DLC1: variants seen among roughly 807,000 people sequenced by gnomAD.
DLC1 encodes the protein DLC1 Rho GTPase activating protein.
Under a neutral mutation model 140.3 loss-of-function variants are expected in DLC1, and 54 were observed. The observed-to-expected ratio is 0.38, with a 90% confidence interval of 0.31 to 0.48. The LOEUF (loss-of-function observed/expected upper bound fraction) is 0.48. Among genes scored for constraint, DLC1 ranks in the 20% least tolerant of loss-of-function variants. The probability of loss-of-function intolerance (pLI) is 0.96; values close to 1 mark genes in which losing one functional copy is unlikely to be tolerated. For synonymous variants in DLC1, 986 were observed against 728.1 expected (o/e 1.35, Z -5.70); for missense variants, 2,536 against 1,907.0 (o/e 1.33, Z -6.14).
chr8:13,532,132 C>T (rs1024872642), intron 1 of DLC1, among the ~76,000 whole-genome samples: 1 of 152,144 alleles, frequency 6.6e-6, no homozygotes, highest in Non-Finnish European at 1.5e-5. Flanking sequence ...AGGCCAGGCT[C>T]AGTGGCTCAT....
intron 5 of DLC1, among the ~76,000 whole-genome samples, chr8:13,161,144 C>T (rs750158583): frequency 6.6e-6 from 1 of 152,096 alleles, no homozygotes; most frequent in Non-Finnish European, 1.5e-5. Context: ...CATAGGTAAC[C>T]TAATCTAATT....
chr8:13,136,044 A>G (rs1309240718), intron 5 of DLC1, among the ~76,000 whole-genome samples: 1 of 152,138 alleles, frequency 6.6e-6, no homozygotes, highest in Non-Finnish European at 1.5e-5. Flanking sequence ...CCAAGCCCCA[A>G]TTTGTATAGC....
intron 1 of DLC1, among the ~76,000 whole-genome samples, chr8:13,544,117 A>T (rs1803575351): frequency 1.3e-5 from 2 of 152,188 alleles, no homozygotes; most frequent in South Asian, 2.1e-4. Flanking sequence ...TCCCATGTAT[A>T]ATATATATAG....
intron 2 of DLC1, 125 bp downstream of exon 2, chr8:13,498,924 C>T: frequency 2.6e-6 from 3 of 1,138,698 alleles, no homozygotes; most frequent in South Asian, 2.0e-5. Context: ...CGTTGAATTA[C>T]ACATCTGCAT....
At chr8:13,553,326 C>A (rs960237191) in intron 1 of DLC1, among the ~76,000 whole-genome samples, 18 of 146,192 alleles carry the variant, frequency 1.2e-4, no homozygotes, top group African/African-American at 1.8e-4. Context: ...CATGCATGTA[C>A]TATATCCCTT....
At chr8:13,254,073 A>G (rs1830114530) in intron 5 of DLC1, among the ~76,000 whole-genome samples, 1 of 151,944 alleles carries the variant, frequency 6.6e-6, no homozygotes, top group Admixed American at 6.6e-5. Context: ...TATTTAGGAG[A>G]CCTGCTTTAG....
At chr8:13,316,201 A>C (rs373408237) in intron 4 of DLC1, among the ~76,000 whole-genome samples, 30 of 149,894 alleles carry the variant, frequency 2.0e-4, no homozygotes, top group African/African-American at 6.5e-4. Flanking sequence ...CACTTGATCT[A>C]CTAGCTAGTG....
chr8:13,086,398 C>T lies in DLC1; in HGVS notation c.4358G>A (p.Arg1453His), dbSNP rs187747257. 50 of 1,614,232 alleles carry T rather than the reference C, an allele frequency of 3.1e-5. No homozygotes were observed. Among genetic ancestry groups the T allele is most frequent in the Middle Eastern group, 1.6e-4 (1 of 6,062 alleles). The change falls in exon 17 of 18, where the codon CGC (arginine) becomes CAC (histidine). Residue 1453 changes from arginine (R) to histidine (H), a missense_variant. Coordinates refer to ENST00000276297, the MANE Select transcript of DLC1 (RefSeq NM_182643.3). ...ALLLTSVDHD[R>H]APVVGVRVNV... The stretch of plus-strand genomic sequence containing the variant: ...AACCCTCACACCCACCACAGGTGCG[C>T]GATCGTGATCCACAGAGGTTAGTAA...
intron 2 of DLC1, among the ~76,000 whole-genome samples, chr8:13,423,245 C>T (rs781045671): frequency 4.6e-5 from 7 of 152,120 alleles, no homozygotes; most frequent in African/African-American, 1.4e-4. Flanking sequence ...GAAATAAATG[C>T]ATTTTTGTAA....
At chr8:13,248,265 T>C (rs1393650134) in intron 5 of DLC1, among the ~76,000 whole-genome samples, 2 of 152,260 alleles carry the variant, frequency 1.3e-5, no homozygotes, top group Non-Finnish European at 2.9e-5. Flanking sequence ...CCACAGTTTT[T>C]GCAGCAGCTT....
chr8:13,346,585 G>A (rs896992020), intron 4 of DLC1, among the ~76,000 whole-genome samples: 10 of 152,138 alleles, frequency 6.6e-5, no homozygotes, highest in African/African-American at 2.4e-4. Context: ...TAACTTGAGC[G>A]GCAGGTGCCA....
chr8:13,260,912 G>C (rs1830447288), intron 5 of DLC1, among the ~76,000 whole-genome samples: 1 of 152,150 alleles, frequency 6.6e-6, no homozygotes, highest in African/African-American at 2.4e-5. Flanking sequence ...TTCTCTAGAA[G>C]GTGTGCTTGC....
rs1818381767 is a variant in DLC1 at position 13,094,933 on chromosome 8, C to G, written c.3352G>C (p.Val1118Leu). ...DQVGLFRKSG[V>L]KSRIQALRQM... ...CGCAGAGCCTGAATCCGGGACTTGA[C>G]CCCCGATTTTCTGAAGAGCCCAACC... The change falls in exon 12 of 18, where the codon GTC (valine) becomes CTC (leucine). Residue 1118 changes from valine (V) to leucine (L), a missense_variant. Physicochemically the swap from Val to Leu is conservative, Grantham distance 32 (BLOSUM62 1). Coordinates refer to ENST00000276297, the MANE Select transcript of DLC1 (RefSeq NM_182643.3). 1.2e-6 allele frequency: 2 copies of G among 1,614,188 alleles called. No individual in the cohort carries two copies. Among genetic ancestry groups the G allele is most frequent in the Non-Finnish European group, 1.7e-6 (2 of 1,180,034 alleles).
intron 2 of DLC1, among the ~76,000 whole-genome samples, chr8:13,416,686 G>C (rs1838077493): frequency 6.6e-6 from 1 of 152,110 alleles, no homozygotes; most frequent in South Asian, 2.1e-4. Context: ...GGTACATAGG[G>C]TTTTGTCATC....
chr8:13,519,293 A>AT (rs566598879), upstream of DLC1, among the ~76,000 whole-genome samples: 14 of 151,630 alleles, frequency 9.2e-5, no homozygotes, highest in South Asian at 1.3e-3. Context: ...ATGCCCAGCT[A>AT]TTTTTTTTGT....
intron 4 of DLC1, among the ~76,000 whole-genome samples, chr8:13,330,217 G>T (rs1360864761): frequency 1.3e-5 from 2 of 152,158 alleles, no homozygotes; most frequent in Non-Finnish European, 2.9e-5. Flanking sequence ...CTCCCAAAAT[G>T]CTGGGATTGC....
chr8:13,552,240 T>C (rs1456913961), intron 1 of DLC1, among the ~76,000 whole-genome samples: 1 of 146,822 alleles, frequency 6.8e-6, no homozygotes, highest in African/African-American at 2.5e-5. Context: ...TATATATATA[T>C]ACCCCCATAC....
intron 3 of DLC1, 141 bp from the exon 4 acceptor site, chr8:13,393,834 C>T (rs575115577): frequency 2.4e-5 from 23 of 952,614 alleles, no homozygotes; most frequent in East Asian, 9.9e-5. Flanking sequence ...CTGACAGTGA[C>T]GTGTCACACA....
chr8:13,105,593 T>C (rs1819496101), intron 7 of DLC1, among the ~76,000 whole-genome samples: 1 of 140,532 alleles, frequency 7.1e-6, no homozygotes, highest in Non-Finnish European at 1.6e-5. Flanking sequence ...CTTTTTCTTC[T>C]TTTTTTTTTT....
Sources: gnomAD v4.1 joint callset for allele counts (sites outside exome capture counted in the v4.1 genomes callset) on GRCh38, gnomAD v4.1.1 for gene constraint, MANE v1.5 for transcripts, NCBI Gene and HGNC (gene_info 2026-07-23, HGNC 2026-07-21) for gene names.